Variants in PPP2R5A observed in about 807,000 individuals in gnomAD.
PPP2R5A encodes protein phosphatase 2 regulatory subunit B'alpha.
In PPP2R5A, 25 loss-of-function variants were observed where a neutral mutation model predicts 64.2. That is an observed-to-expected ratio of 0.39 (90% confidence interval 0.28 to 0.54). PPP2R5A has a LOEUF of 0.54. Among genes scored for constraint, PPP2R5A ranks in the 20% least tolerant of loss-of-function variants. The pLI is 0.67. For synonymous variants in PPP2R5A, 198 were observed against 201.2 expected (o/e 0.98, Z 0.13); for missense variants, 425 against 576.3 (o/e 0.74, Z 2.69).
At chr1:212,353,357 C>A (rs1481974029) in intron 8 of PPP2R5A, among the ~76,000 whole-genome samples, 1 of 152,122 alleles carries the variant, frequency 6.6e-6, no homozygotes, top group Admixed American at 6.5e-5. Context: ...ACAGTCTGTT[C>A]GTTAGAAGCA....
At chr1:212,349,692 T>A (rs1659843451) in intron 8 of PPP2R5A, among the ~76,000 whole-genome samples, 1 of 152,198 alleles carries the variant, frequency 6.6e-6, no homozygotes, top group Non-Finnish European at 1.5e-5. Flanking sequence ...AAACATTTCC[T>A]TGCTTTTGGT....
chr1:212,292,649 T>G (rs745807253), intron 1 of PPP2R5A, among the ~76,000 whole-genome samples: 13 of 152,238 alleles, frequency 8.5e-5, no homozygotes, highest in Non-Finnish European at 1.8e-4. Flanking sequence ...TGTAACTTAC[T>G]GCAGCCTCAA....
At chr1:212,327,200 G>A (rs1659421298) in intron 1 of PPP2R5A, among the ~76,000 whole-genome samples, 1 of 152,158 alleles carries the variant, frequency 6.6e-6, no homozygotes, top group African/African-American at 2.4e-5. Context: ...TGTATATTAT[G>A]AGATAAATAT....
intron 7 of PPP2R5A, among the ~76,000 whole-genome samples, chr1:212,348,719 T>C (rs996739663): frequency 6.6e-6 from 1 of 152,354 alleles, no homozygotes; most frequent in African/African-American, 2.4e-5. Flanking sequence ...ATACACACTT[T>C]CCTCATATTA....
At chr1:212,346,027 G>T in intron 5 of PPP2R5A, 94 bp downstream of exon 5, 3 of 1,228,700 alleles carry the variant, frequency 2.4e-6, no homozygotes, top group South Asian at 1.6e-5. Flanking sequence ...TTTGAGACAG[G>T]GTCTCACTCT....
intron 5 of PPP2R5A, among the ~76,000 whole-genome samples, chr1:212,346,712 C>T (rs1053070617): frequency 2.6e-5 from 4 of 152,106 alleles, no homozygotes; most frequent in African/African-American, 9.7e-5. Context: ...TAACAACACC[C>T]ACATTCAAGG....
chr1:212,358,646 A>G (rs781246228), intron 11 of PPP2R5A, 40 bp from the exon 12 acceptor site: 1 of 1,412,270 alleles, frequency 7.1e-7, no homozygotes, highest in Non-Finnish European at 1.0e-6. Flanking sequence ...CCTCTCTGTT[A>G]GCAGTATCAT....
chr1:212,288,653 A>T (rs115903038), intron 1 of PPP2R5A, among the ~76,000 whole-genome samples: 3 of 152,174 alleles, frequency 2.0e-5, no homozygotes, highest in Admixed American at 6.5e-5. Context: ...AATTGCTTCA[A>T]TTGGAACTTT....
rs1401989270 is a variant in PPP2R5A, at chr1:212,304,731, GT to G, written c.181+18458del. Among the ~76,000 whole-genome samples, 360 of 124,800 alleles carry G rather than the reference GT, an allele frequency of 2.9e-3. 1 individual carries two copies. Among genetic ancestry groups the G allele is most frequent in the African/African-American group, 7.6e-3 (264 of 34,828 alleles). The allele number at this position is 124,800 out of a possible 152,430, so 81.9% of individuals were successfully genotyped here. On this transcript the variant is annotated intron_variant, in intron 1 of 12. Transcript: ENST00000261461. ...GTACATGCTACCAAGGCCGGCCCCA[GT>G]TTTTTTTTTTTTTTTTTGAGAACAG...
chr1:212,324,897 A>G (rs983494085), intron 1 of PPP2R5A, among the ~76,000 whole-genome samples: 2 of 152,046 alleles, frequency 1.3e-5, no homozygotes, highest in Non-Finnish European at 2.9e-5. Context: ...GAGCCACCGC[A>G]CCTGGCATGA....
intron 8 of PPP2R5A, chr1:212,352,671 G>C (rs7518399): frequency 0.2 from 83,722 of 417,222 alleles, 9,457 homozygotes; most frequent in South Asian, 0.3. Context: ...TGCCCAGGCT[G>C]GTATTGATCT....
intron 2 of PPP2R5A, among the ~76,000 whole-genome samples, chr1:212,332,286 G>A (rs1659518051): frequency 2.0e-5 from 3 of 152,114 alleles, no homozygotes; most frequent in Admixed American, 2.0e-4. Context: ...AAGAATAGTT[G>A]GGAATTTGCT....
In PPP2R5A at chr1:212,304,579, C is replaced by T. The variant is rs570407999; in HGVS notation, c.181+18288C>T. On this transcript the variant is annotated intron_variant, in intron 1 of 12. Coordinates refer to ENST00000261461, the MANE Select transcript of PPP2R5A (RefSeq NM_006243.4). ...ACAAACAAAAAAAGAGATGGGGTCT[C>T]GCTATGTTGCCCAGGCTTGAGTGCA... is the stretch of plus-strand genomic sequence containing the variant. Among the ~76,000 whole-genome samples the T allele has an allele frequency of 2.6e-5, 4 of 152,022 alleles. No individual in the cohort carries two copies. In the East Asian group the frequency reaches 5.8e-4, roughly 22 times the overall value.
chr1:212,337,861 A>G (rs891656177), intron 3 of PPP2R5A, among the ~76,000 whole-genome samples: 1 of 152,150 alleles, frequency 6.6e-6, no homozygotes, highest in Non-Finnish European at 1.5e-5. Flanking sequence ...ATCCCAGGCA[A>G]TGTTCTTTTT....
At chr1:212,331,283 C>T (rs1659499969) in intron 2 of PPP2R5A, among the ~76,000 whole-genome samples, 1 of 151,798 alleles carries the variant, frequency 6.6e-6, no homozygotes, top group South Asian at 2.1e-4. Flanking sequence ...GCCTAAGCCT[C>T]CTGAGTAGGT....
chr1:212,350,193 T>C (rs1168823444), intron 8 of PPP2R5A, among the ~76,000 whole-genome samples: 1 of 152,250 alleles, frequency 6.6e-6, no homozygotes, highest in Non-Finnish European at 1.5e-5. Context: ...TCCCTTTCAC[T>C]TGAACTTTGT....
chr1:212,356,731 G>C, intron 9 of PPP2R5A, 55 bp downstream of exon 9: 1 of 1,555,228 alleles, frequency 6.4e-7, no homozygotes, highest in Non-Finnish European at 8.8e-7. Flanking sequence ...CAATCCCAGG[G>C]CTATAAACCA....
chr1:212,290,987 T>A (rs1161184064), intron 1 of PPP2R5A, among the ~76,000 whole-genome samples: 3 of 152,240 alleles, frequency 2.0e-5, no homozygotes, highest in South Asian at 2.1e-4. Context: ...CATTTAGATT[T>A]TTGTGTTTCA....
intron 3 of PPP2R5A, among the ~76,000 whole-genome samples, chr1:212,339,103 CATTTTGAAG>C (rs1659641401): frequency 6.6e-6 from 1 of 152,142 alleles, no homozygotes; most frequent in Admixed American, 6.6e-5. Context: ...TCAATTATTC[CATTTTGAAG>C]ATTTCCAGCT....
Sources: allele counts gnomAD v4.1 joint callset (sites outside exome capture counted in the v4.1 genomes callset), GRCh38; gene constraint gnomAD v4.1.1; transcripts MANE v1.5; gene names NCBI Gene and HGNC (gene_info 2026-07-23, HGNC 2026-07-21).